MAGI2: variants seen among roughly 807,000 people sequenced by gnomAD.
MAGI2 encodes the protein membrane-associated guanylate kinase, WW and PDZ domain-containing protein 2.
In MAGI2, 35 loss-of-function variants were observed where a neutral mutation model predicts 133.3. That is an observed-to-expected ratio of 0.26 (90% confidence interval 0.20 to 0.35). The LOEUF is 0.35. Ranked by LOEUF, MAGI2 falls within the 10% of genes least tolerant of loss-of-function variation. The pLI, the probability that MAGI2 is intolerant of heterozygous loss-of-function variation, is 1.00. For missense variants in MAGI2, 1,636 were observed against 1,863.4 expected (o/e 0.88, Z 2.25); for synonymous variants, 729 against 710.6 (o/e 1.03, Z -0.41).
intron 2 of MAGI2, among the ~76,000 whole-genome samples, chr7:78,877,039 A>G (rs1336768555): frequency 6.6e-6 from 1 of 152,020 alleles, no homozygotes; most frequent in Non-Finnish European, 1.5e-5. Context: ...TCCATCTTTG[A>G]CTGTTTTGAG....
intron 1 of MAGI2, among the ~76,000 whole-genome samples, chr7:79,375,176 A>T (rs530263003): frequency 1.3e-5 from 2 of 152,166 alleles, no homozygotes; most frequent in East Asian, 1.9e-4. Context: ...AATAAAAATA[A>T]TATTTCAGGA....
At chr7:79,167,828 A>G (rs1360509826) in intron 1 of MAGI2, among the ~76,000 whole-genome samples, 3 of 152,134 alleles carry the variant, frequency 2.0e-5, no homozygotes, top group Admixed American at 2.0e-4. Context: ...GGCCATAAAC[A>G]AAATCTCTGC....
intron 1 of MAGI2, among the ~76,000 whole-genome samples, chr7:79,024,982 A>G (rs1225636901): frequency 6.6e-6 from 1 of 152,144 alleles, no homozygotes; most frequent in East Asian, 1.9e-4. Flanking sequence ...CTACTATTTG[A>G]CCCAGCAATC....
intron 2 of MAGI2, among the ~76,000 whole-genome samples, chr7:78,780,150 T>C (rs1449933281): frequency 6.6e-6 from 1 of 152,250 alleles, no homozygotes; most frequent in Non-Finnish European, 1.5e-5. Context: ...GTTTAAAAAC[T>C]GGCTCTATGA....
chr7:78,668,445 GT>G (rs1813909021), intron 2 of MAGI2, among the ~76,000 whole-genome samples: 1 of 150,888 alleles, frequency 6.6e-6, no homozygotes, highest in African/African-American at 2.4e-5. Flanking sequence ...TGCTTTTGGT[GT>G]TTTAGACATG....
At chr7:78,727,986 G>C (rs943527866) in intron 2 of MAGI2, among the ~76,000 whole-genome samples, 1 of 152,130 alleles carries the variant, frequency 6.6e-6, no homozygotes, top group Non-Finnish European at 1.5e-5. Context: ...ATAGAGAACA[G>C]GTATGGAGAT....
intron 1 of MAGI2, among the ~76,000 whole-genome samples, chr7:79,160,725 C>A (rs1585079533): frequency 6.6e-6 from 1 of 152,060 alleles, no homozygotes; most frequent in East Asian, 1.9e-4. Flanking sequence ...CTTCCCAACT[C>A]TCCCTATAAA....
At chr7:78,976,430 G>T (rs1804254936) in intron 2 of MAGI2, among the ~76,000 whole-genome samples, 2 of 150,452 alleles carry the variant, frequency 1.3e-5, no homozygotes, top group South Asian at 4.2e-4. Context: ...TCTTTAGCTT[G>T]GTACAGAACA....
rs1054120169 is a variant in MAGI2 at position 79,336,394 on chromosome 7, A to T, written c.301+116626T>A. 2.0e-5 allele frequency among the ~76,000 whole-genome samples: 3 copies of T among 152,122 alleles called. No individual in the cohort carries two copies. The East Asian group carries it at 5.8e-4, about 29-fold the overall frequency. The stretch of plus-strand genomic sequence containing the variant: ...CTGTTTATGATAGAGTTACTTATAA[A>T]AATAAAACTAGGATGATCTATCTAA... On this transcript the variant is annotated intron_variant, in intron 1 of 21. Coordinates refer to ENST00000354212, the MANE Select transcript of MAGI2 (RefSeq NM_012301.4).
intron 1 of MAGI2, among the ~76,000 whole-genome samples, chr7:79,179,684 T>C (rs1434845288): frequency 1.3e-5 from 2 of 151,990 alleles, no homozygotes; most frequent in Non-Finnish European, 2.9e-5. Flanking sequence ...AAAGGATACC[T>C]TGTTCAATAA....
At chr7:79,325,249 C>T (rs1839601566) in intron 1 of MAGI2, among the ~76,000 whole-genome samples, 1 of 152,014 alleles carries the variant, frequency 6.6e-6, no homozygotes, top group Admixed American at 6.6e-5. Context: ...CCTCCACTCC[C>T]ACCATCTTAC....
chr7:78,738,179 G>T (rs1822053289), intron 2 of MAGI2, among the ~76,000 whole-genome samples: 1 of 151,972 alleles, frequency 6.6e-6, no homozygotes, highest in Non-Finnish European at 1.5e-5. Flanking sequence ...TATTATTTAA[G>T]TCACAGAGGG....
chr7:78,814,392 G>A (rs888292813), intron 2 of MAGI2, among the ~76,000 whole-genome samples: 7 of 152,156 alleles, frequency 4.6e-5, no homozygotes, highest in Non-Finnish European at 7.4e-5. Context: ...TGGTTTAGAA[G>A]ATAGTCTACA....
intron 2 of MAGI2, among the ~76,000 whole-genome samples, chr7:78,788,794 A>C (rs1563507936): frequency 6.6e-6 from 1 of 152,090 alleles, no homozygotes. Flanking sequence ...TATCATTGAG[A>C]TGTTCCTTGA....
intron 4 of MAGI2, among the ~76,000 whole-genome samples, chr7:78,503,354 G>A (rs1794784890): frequency 6.6e-6 from 1 of 152,014 alleles, no homozygotes. Context: ...TAAAAGGTAG[G>A]AAGATGATAT....
intron 9 of MAGI2, among the ~76,000 whole-genome samples, chr7:78,333,271 G>A (rs577426235): frequency 3.9e-4 from 60 of 152,302 alleles, no homozygotes; most frequent in African/African-American, 1.4e-3. Context: ...TCAATGCTCT[G>A]TACCAGAAAG....
intron 2 of MAGI2, among the ~76,000 whole-genome samples, chr7:78,911,680 A>G (rs1798410953): frequency 6.6e-6 from 1 of 151,708 alleles, no homozygotes; most frequent in Admixed American, 6.6e-5. Flanking sequence ...ATATATATAT[A>G]TATTTTGTTA....
At chr7:78,170,941 T>A (rs1442154423) in intron 14 of MAGI2, 1 of 152,200 alleles carries the variant, frequency 6.6e-6, no homozygotes, top group Non-Finnish European at 1.5e-5. Context: ...TGGTTGCTAG[T>A]GCTGCTTGCC....
chr7:78,855,567 C>T (rs1793561670), intron 2 of MAGI2, among the ~76,000 whole-genome samples: 1 of 152,154 alleles, frequency 6.6e-6, no homozygotes, highest in Non-Finnish European at 1.5e-5. Context: ...ATCCATGTCC[C>T]TACAAAGGAC....
Sources: gnomAD v4.1 joint callset for allele counts (sites outside exome capture counted in the v4.1 genomes callset) on GRCh38, gnomAD v4.1.1 for gene constraint, MANE v1.5 for transcripts, NCBI Gene and HGNC (gene_info 2026-07-23, HGNC 2026-07-21) for gene names.